The following NUMA1 variants were observed in gnomAD, a reference collection of about 807,000 sequenced individuals.
NUMA1 encodes SP-H antigen.
Under a neutral mutation model 237.1 loss-of-function variants are expected in NUMA1, and 62 were observed. The observed-to-expected ratio is 0.26, with a 90% CI of 0.21 to 0.32. The LOEUF (loss-of-function observed/expected upper bound fraction) is 0.32, where lower values mean the gene tolerates loss of function less well. NUMA1 is among the 10% of genes least tolerant of loss of function. NUMA1 has a pLI of 1.00. For synonymous variants in NUMA1, 1,028 were observed against 1,066.1 expected (o/e 0.96, Z 0.70); for missense variants, 2,533 against 2,666.5 (o/e 0.95, Z 1.10).
chr11:72,036,344 A>G (rs1319999246), intron 2 of NUMA1, among the ~76,000 whole-genome samples: 2 of 152,268 alleles, frequency 1.3e-5, no homozygotes, highest in East Asian at 3.8e-4. Flanking sequence ...TAATGTGACC[A>G]GGGTCATAGG....
intron 1 of NUMA1, among the ~76,000 whole-genome samples, chr11:72,078,272 CA>C (rs796303548): frequency 1.5e-4 from 23 of 152,368 alleles, no homozygotes; most frequent in African/African-American, 5.3e-4. Flanking sequence ...GTCTGGACAA[CA>C]CCTTTTGGTA....
In NUMA1 at chr11:72,015,802, C is replaced by G; in HGVS notation, c.1701G>C (p.Leu567Phe). 1 of 1,614,250 alleles carries G rather than the reference C, an allele frequency of 6.2e-7. No homozygotes were observed. The highest frequency in any genetic ancestry group is 8.5e-7 in the Non-Finnish European group (1 of 1,180,044). The stretch of plus-strand genomic sequence containing the variant: ...CCTCCTGCTTCTCCGCTACCTCCTT[C>G]AACTGCTGCTCCTTCTGCTTCAGGC... ...SSSLKQKEQQ[L>F]KEVAEKQEAT... The change falls in exon 15 of 27, where the codon TTG (leucine) becomes TTC (phenylalanine). Residue 567 changes from leucine (L) to phenylalanine (F), a missense_variant. By Grantham distance (22) the Leu-to-Phe change is conservative. This residue lies in a region of NUMA1 where 1,414 missense variants were observed against 1,508.1 expected (regional missense o/e 0.94). Transcript: ENST00000393695. This position sits in a 1 kb window ranked among gnomAD's most constrained non-coding sequence, Gnocchi z 4.0.
intron 2 of NUMA1, among the ~76,000 whole-genome samples, chr11:72,069,466 A>C (rs1158401130): frequency 6.6e-6 from 1 of 152,204 alleles, no homozygotes; most frequent in Non-Finnish European, 1.5e-5. Context: ...AGGGACAGAA[A>C]TAACTTGGGA....
chr11:72,003,383 G>T lies in NUMA1; in HGVS notation c.*144C>A, dbSNP rs978536746. ...GTGAAGGACCAGGGACCAGGCCAGG[G>T]TGCGGGCAGGCATCACTGTCTCTAG... On this transcript the variant is annotated 3_prime_UTR_variant, in exon 27 of 27. Coordinates refer to ENST00000393695, the MANE Select transcript of NUMA1 (RefSeq NM_006185.4). 3 of 801,666 alleles carry T rather than the reference G, an allele frequency of 3.7e-6. No individual in the cohort carries two copies. In the Admixed American group the frequency reaches 5.7e-5, roughly 15 times the overall value. The allele number at this position is 801,666 out of a possible 1,614,324, so 49.7% of individuals were successfully genotyped here.
rs775465564 is a variant in NUMA1, at chr11:72,010,785, C to T, written c.4719+1G>A. Reference sequence around the variant, plus strand: ...CAGACCCATTCCCCCAGCTGCCCCACCTTCAGCTTCTGCTGCTGCACCTTG... The same window carrying T: ...CAGACCCATTCCCCCAGCTGCCCCATCTTCAGCTTCTGCTGCTGCACCTTG... On this transcript the variant is annotated splice_donor_variant, in intron 17 of 26. Coordinates refer to ENST00000393695, the MANE Select transcript of NUMA1 (RefSeq NM_006185.4). LOFTEE classifies it high-confidence loss of function. 4.3e-6 allele frequency: 7 copies of T among 1,613,396 alleles called. No individual in the cohort carries two copies. Among genetic ancestry groups the T allele is most frequent in the South Asian group, 2.2e-5 (2 of 91,038 alleles).
rs756580185 is a variant in NUMA1, at chr11:72,016,213, T to C, written c.1290A>G (p.Thr430=). The C allele has an allele frequency of 1.9e-6, 3 of 1,604,492 alleles. No individual in the cohort carries two copies. The African/African-American group carries it at 4.0e-5, about 21-fold the overall frequency. ...GCATCTCTACCCTGGCTTGGAGCTG[T>C]GTGTTGTTTGCAGCAAGAGTGGCTG... ...QEAATLAANN[T]QLQARVEMLE... The change falls in exon 15 of 27, where the codon ACA becomes ACG. Residue 430 remains threonine, a synonymous_variant. Transcript: ENST00000393695.
rs530871675 is a variant in NUMA1 at position 72,019,966 on chromosome 11, C to A, written c.461-349G>T. ...CGGCTTGGGGAGCCCTGAGCAGGAT[C>A]TCCTTGCAGCCCCCAACAACCTTTC... On this transcript the variant is annotated intron_variant, in intron 8 of 26. Coordinates refer to ENST00000393695, the MANE Select transcript of NUMA1 (RefSeq NM_006185.4). Among the ~76,000 whole-genome samples the A allele has an allele frequency of 2.0e-5, 3 of 152,168 alleles. No individual in the cohort carries two copies. The East Asian group carries it at 5.8e-4, about 29-fold the overall frequency.
At chr11:72,006,373 C>G in intron 21 of NUMA1, 110 bp from the exon 22 acceptor site, 1 of 898,372 alleles carries the variant, frequency 1.1e-6, no homozygotes, top group Non-Finnish European at 1.7e-6. Flanking sequence ...GTATTCCCAA[C>G]TGCTTTGCAA....
chr11:72,048,154 T>G (rs886991117), intron 2 of NUMA1, among the ~76,000 whole-genome samples: 3 of 152,268 alleles, frequency 2.0e-5, no homozygotes, highest in African/African-American at 7.2e-5. Context: ...TGGGGTGCAG[T>G]GCTGCGATCT....
intron 2 of NUMA1, among the ~76,000 whole-genome samples, chr11:72,040,078 T>G (rs1282683639): frequency 6.6e-6 from 1 of 152,150 alleles, no homozygotes; most frequent in African/African-American, 2.4e-5. Context: ...AAAACAATCT[T>G]TCTCAATTCC....
At chr11:72,016,291 G>T in intron 14 of NUMA1, 31 bp from the exon 15 acceptor site, 1 of 1,584,534 alleles carries the variant, frequency 6.3e-7, no homozygotes. Flanking sequence ...ACTGGGATCA[G>T]CATGACTCCT....
Position 72,022,385 on chromosome 11 carries a change from C to T in NUMA1, c.326G>A (p.Ser109Asn), listed in dbSNP as rs1484512830. 6.2e-7 allele frequency: 1 copy of T among 1,613,738 alleles called. No homozygotes were observed. The highest frequency in any genetic ancestry group is 1.7e-5 in the Admixed American group (1 of 59,972). ...TMLLLYHSTM[S>N]SKSPRDWEQF... The stretch of plus-strand genomic sequence containing the variant: ...TTCCCAGTCCCTGGGACTTTTGGAG[C>T]TCATGGTAGAGTGGTATAAGAGCAG... Residue 109 changes from serine (S) to asparagine (N), a missense_variant, in exon 7 of 27, where the codon AGC becomes AAC. Around this residue, in one of 3 missense-constraint regions of NUMA1, gnomAD observed 1,414 missense variants for 1,508.1 expected, o/e 0.94. Coordinates refer to ENST00000393695, the MANE Select transcript of NUMA1 (RefSeq NM_006185.4).
At position 72,009,115 on chromosome 11, in the gene NUMA1, C is replaced by T; in HGVS notation, c.4910G>A (p.Ser1637Asn). The stretch of plus-strand genomic sequence containing the variant: ...GTTTTCCTTCTGCAGCTGCTCCAGG[C>T]TCCGCAGCTGCTCCTGCAGCTCTTG... ...QNQELQEQLR[S>N]LEQLQKENKE... Residue 1637 changes from serine (S) to asparagine (N), a missense_variant, in exon 19 of 27, where the codon AGC becomes AAC. Around this residue, in one of 3 missense-constraint regions of NUMA1, gnomAD observed 795 missense variants for 750.8 expected, o/e 1.06. Coordinates refer to ENST00000393695, the MANE Select transcript of NUMA1 (RefSeq NM_006185.4). The T allele has an allele frequency of 6.2e-7, 1 of 1,612,126 alleles. No individual in the cohort carries two copies.
chr11:72,011,571 G>C (rs1956166353), intron 16 of NUMA1, among the ~76,000 whole-genome samples: 1 of 152,218 alleles, frequency 6.6e-6, no homozygotes, highest in East Asian at 1.9e-4. Flanking sequence ...GGGCTCCATT[G>C]CTAACTGTTT....
chr11:72,018,917 C>T lies in NUMA1; in HGVS notation c.648G>A (p.Met216Ile). 6.2e-7 allele frequency: 1 copy of T among 1,614,066 alleles called. No homozygotes were observed. The highest frequency in any genetic ancestry group is 8.5e-7 in the Non-Finnish European group (1 of 1,180,020). The change falls in exon 10 of 27, where the codon ATG becomes ATA. Residue 216 changes from methionine to isoleucine, a missense_variant. This residue lies in a region of NUMA1 where 1,414 missense variants were observed against 1,508.1 expected (regional missense o/e 0.94). Transcript: ENST00000393695. ...CAGCAAGCTGCTTCTTCAGCCGTCT[C>T]ATCTGGAACTGTGGGGTCTGCAGGA... ...GDILQTPQFQ[M>I]RRLKKQLADE...
At position 72,010,656 on chromosome 11, in the gene NUMA1, G is replaced by T. The variant is rs989326858; in HGVS notation, c.4719+130C>A. The T allele has an allele frequency of 3.0e-5, 26 of 864,870 alleles. No individual in the cohort carries two copies. The Admixed American group carries it at 3.4e-4, about 11-fold the overall frequency. 53.6% of individuals were successfully genotyped at this position (864,870 alleles called of 1,614,324 possible). A position where few individuals can be genotyped will look rare whatever the true frequency, so the allele number is the denominator to read the frequency against. ...ACATGCAGGGGCTTCTAAGCCACAG[G>T]CTTCCTAGGAGGGCTACCTGGAATG... On this transcript the variant is annotated intron_variant, in intron 17 of 26. Transcript: ENST00000393695.
At chr11:72,022,951 C>A in intron 6 of NUMA1, 114 bp downstream of exon 6, 1 of 739,498 alleles carries the variant, frequency 1.4e-6, no homozygotes, top group Non-Finnish European at 2.3e-6. Context: ...ACTAGAGCCC[C>A]AGAAATAAAG....
rs200242038 is a variant in NUMA1, at chr11:72,016,260, G to C, written c.1243C>G (p.Leu415Val). The change falls in exon 15 of 27, where the codon CTG becomes GTG. Residue 415 changes from leucine to valine, a missense_variant and splice_region_variant. Transcript: ENST00000393695. ...KGEVLGDVLQ[L>V]ETLKQEAATL... The stretch of plus-strand genomic sequence containing the variant: ...GCTGCCTCTTGCTTCAAGGTTTCCA[G>C]CTGGTGGTATAAAGAGACAAACTGG... 6.3e-7 allele frequency: 1 copy of C among 1,593,420 alleles called. No homozygotes were observed. The highest frequency in any genetic ancestry group is 8.6e-7 in the Non-Finnish European group (1 of 1,166,074).
chr11:72,005,917 C>T, intron 22 of NUMA1, 118 bp downstream of exon 22: 1 of 832,392 alleles, frequency 1.2e-6, no homozygotes, highest in Non-Finnish European at 1.9e-6. Flanking sequence ...GCAGGTGGAG[C>T]TGGATGGTAG....
Sources: allele counts gnomAD v4.1 joint callset (sites outside exome capture counted in the v4.1 genomes callset), GRCh38; gene constraint gnomAD v4.1.1; regional missense constraint gnomAD v4.1.1; non-coding constraint Gnocchi (gnomAD v3.1); transcripts MANE v1.5; gene names NCBI Gene and HGNC (gene_info 2026-07-23, HGNC 2026-07-21).